The following TBCC variants were observed in gnomAD, a reference collection of about 807,000 sequenced individuals.
TBCC encodes the protein tubulin folding cofactor C.
Under a neutral mutation model 25.3 loss-of-function variants are expected in TBCC, and 25 were observed. The observed-to-expected ratio is 0.99, with a 90% CI of 0.72 to 1.38. The LOEUF is 1.38. Among genes scored for constraint, TBCC ranks in the 40% most tolerant of loss-of-function variants. The pLI, the probability that TBCC is intolerant of heterozygous loss-of-function variation, is 0.00. For synonymous variants in TBCC, 226 were observed against 192.8 expected, an observed-to-expected ratio of 1.17 and a Z score of -1.43; for missense variants, 507 against 447.2, an observed-to-expected ratio of 1.13 and a Z score of -1.21.
Position 42,745,877 on chromosome 6 carries a change from C to A in TBCC, c.197G>T (p.Arg66Leu). 1.2e-6 allele frequency: 2 copies of A among 1,614,026 alleles called. No homozygotes were observed. Among genetic ancestry groups the A allele is most frequent in the Non-Finnish European group, 1.7e-6 (2 of 1,180,038 alleles). Residue 66 changes from arginine (R) to leucine (L), a missense_variant, in exon 1 of 1, where the codon CGG becomes CTG. By Grantham distance (102) the Arg-to-Leu change is moderately radical. Transcript: ENST00000372876. This position sits in a 1 kb window ranked among gnomAD's most constrained non-coding sequence, Gnocchi z 4.2. ...NSHFFVATFVRERAAVEELLE... is the reference protein window; with the variant it reads ...NSHFFVATFVLERAAVEELLE... ...AAGCTCTTCCACGGCCGCTCGCTCCCGAACAAAGGTGGCGACGAAAAAGTG... is the reference window on the plus strand; with the variant it reads ...AAGCTCTTCCACGGCCGCTCGCTCCAGAACAAAGGTGGCGACGAAAAAGTG...
rs1348587329 is a variant in TBCC, at chr6:42,745,148, T to C, written c.926A>G (p.Asp309Gly). The change falls in exon 1 of 1, where the codon GAT becomes GGT. Residue 309 changes from aspartate (D) to glycine (G), a missense_variant. Asp to Gly is a moderately conservative substitution (Grantham distance 94). Transcript: ENST00000372876. The surrounding 1 kb of genome is among the most constrained non-coding windows in gnomAD (Gnocchi z 4.2). ...ATCGTTCCAGTTATTTTTGCTCCTA[T>C]CTAAACCAGAGCTCTCGAAGTCCTT... ...IDKDFESSGL[D>G]RSKNNWNDVD... 2 of 1,614,088 alleles carry C rather than the reference T, an allele frequency of 1.2e-6. No homozygotes were observed. Among genetic ancestry groups the C allele is most frequent in the Non-Finnish European group, 1.7e-6 (2 of 1,180,042 alleles).
chr6:42,745,149 C>G lies in TBCC; in HGVS notation c.925G>C (p.Asp309His). Reference sequence around the variant, plus strand: ...TCGTTCCAGTTATTTTTGCTCCTATCTAAACCAGAGCTCTCGAAGTCCTTG... The same window carrying G: ...TCGTTCCAGTTATTTTTGCTCCTATGTAAACCAGAGCTCTCGAAGTCCTTG... ...IDKDFESSGL[D>H]RSKNNWNDVD... Residue 309 changes from aspartate to histidine, a missense_variant, in exon 1 of 1, where the codon GAT (aspartate) becomes CAT (histidine). By Grantham distance (81) the Asp-to-His change is moderately conservative. Coordinates refer to ENST00000372876, the MANE Select transcript of TBCC (RefSeq NM_003192.3). This position sits in a 1 kb window ranked among gnomAD's most constrained non-coding sequence, Gnocchi z 4.2. 1 of 1,614,242 alleles carries G rather than the reference C, an allele frequency of 6.2e-7. No individual in the cohort carries two copies.
rs762424752 is a variant in TBCC, at chr6:42,745,435, G to A, written c.639C>T (p.Asn213=). ...QRDVLLTELS[N]CTVRLYGNPN... ...GATTTCCATACAGTCTGACCGTGCA[G>A]TTGCTCAGTTCGGTCAAAAGAACGT... Residue 213 remains asparagine (N), a synonymous_variant, in exon 1 of 1, where the codon AAC becomes AAT. Coordinates refer to ENST00000372876, the MANE Select transcript of TBCC (RefSeq NM_003192.3). This position sits in a 1 kb window ranked among gnomAD's most constrained non-coding sequence, Gnocchi z 4.2. 1.9e-6 allele frequency: 3 copies of A among 1,614,082 alleles called. No homozygotes were observed. The highest frequency in any genetic ancestry group is 1.7e-6 in the Non-Finnish European group (2 of 1,180,030).
Position 42,745,771 on chromosome 6 carries a change from T to C in TBCC, c.303A>G (p.Ser101=). The C allele has an allele frequency of 3.1e-6, 5 of 1,613,858 alleles. No homozygotes were observed. The highest frequency in any genetic ancestry group is 4.2e-6 in the Non-Finnish European group (5 of 1,180,030). ...GGTCGTAAGCGGCTAGGAAAAAAAC[T>C]GAGTCGTTGATTAGTTTCTGCAGCC... is the stretch of plus-strand genomic sequence containing the variant. ...LQGLQKLIND[S]VFFLAAYDLR... is the part of the protein sequence containing the mutation. Residue 101 remains serine (S), a synonymous_variant, in exon 1 of 1, where the codon TCA becomes TCG. Transcript: ENST00000372876. The surrounding 1 kb of genome is among the most constrained non-coding windows in gnomAD (Gnocchi z 4.2).
Position 42,746,095 on chromosome 6 carries a change from T to G in TBCC, c.-22A>C, listed in dbSNP as rs1468861310. ...CCATATTGGCTTCAAGCTTCCTCTC[T>G]CTTGTCTTCCTTCCTCCGGGCGCGC... On this transcript the variant is annotated 5_prime_UTR_variant, in exon 1 of 1. Coordinates refer to ENST00000372876, the MANE Select transcript of TBCC (RefSeq NM_003192.3). 6.3e-7 allele frequency: 1 copy of G among 1,593,654 alleles called. No individual in the cohort carries two copies. The highest frequency in any genetic ancestry group is 8.6e-7 in the Non-Finnish European group (1 of 1,167,806).
In TBCC at chr6:42,745,368, G is replaced by A; in HGVS notation, c.706C>T (p.Leu236Phe). The change falls in exon 1 of 1, where the codon CTC becomes TTC. Residue 236 changes from leucine to phenylalanine, a missense_variant. Physicochemically the swap from Leu to Phe is conservative, Grantham distance 22. Transcript: ENST00000372876. This position sits in a 1 kb window ranked among gnomAD's most constrained non-coding sequence, Gnocchi z 4.2. ...ACAGAGGTAGACACCGGACCGCAGA[G>A]CAGCTTGCAGCTGTGGGCCTTGGTT... ...RLTKAHSCKLLCGPVSTSVFL... is the reference protein window; with the variant it reads ...RLTKAHSCKLFCGPVSTSVFL... 6.2e-7 allele frequency: 1 copy of A among 1,614,252 alleles called. No homozygotes were observed. Among genetic ancestry groups the A allele is most frequent in the Non-Finnish European group, 8.5e-7 (1 of 1,180,040 alleles).
Position 42,745,845 on chromosome 6 carries a change from G to A in TBCC, c.229C>T (p.Arg77Cys). Residue 77 changes from arginine (R) to cysteine (C), a missense_variant, in exon 1 of 1, where the codon CGC becomes TGC. Transcript: ENST00000372876. This position sits in a 1 kb window ranked among gnomAD's most constrained non-coding sequence, Gnocchi z 4.2. ...TCCAGCCGCTCGACCGACTCCGCGC[G>A]CTCCAGAAGCTCTTCCACGGCCGCT... Reference protein sequence around the residue: ...ERAAVEELLERAESVERLEEA... With the variant: ...ERAAVEELLECAESVERLEEA... 4 of 1,613,432 alleles carry A rather than the reference G, an allele frequency of 2.5e-6. No homozygotes were observed. The highest frequency in any genetic ancestry group is 3.4e-6 in the Non-Finnish European group (4 of 1,180,028).
chr6:42,745,504 C>G lies in TBCC; in HGVS notation c.570G>C (p.Glu190Asp), dbSNP rs374188225. 17 of 1,611,500 alleles carry G rather than the reference C, an allele frequency of 1.1e-5. No individual in the cohort carries two copies. Among genetic ancestry groups the G allele is most frequent in the Non-Finnish European group, 1.2e-5 (14 of 1,179,030 alleles). ...TGGCTCTCTTCTCCAAGACTTGGGA[C>G]TCCAGGTTGGAGAAACCGCAGACCC... ...PSWVCGFSNL[E>D]SQVLEKRASE... Residue 190 changes from glutamate (E) to aspartate (D), a missense_variant, in exon 1 of 1, where the codon GAG becomes GAC. Transcript: ENST00000372876. The surrounding 1 kb of genome is among the most constrained non-coding windows in gnomAD (Gnocchi z 4.2).
At position 42,745,477 on chromosome 6, in the gene TBCC, G is replaced by C. The variant is rs748676696; in HGVS notation, c.597C>G (p.Ser199Arg). The change falls in exon 1 of 1, where the codon AGC (serine) becomes AGG (arginine). Residue 199 changes from serine (S) to arginine (R), a missense_variant. Coordinates refer to ENST00000372876, the MANE Select transcript of TBCC (RefSeq NM_003192.3). This position sits in a 1 kb window ranked among gnomAD's most constrained non-coding sequence, Gnocchi z 4.2. ...AAAGAACGTCGCGCTGGTGCAACTC[G>C]CTGGCTCTCTTCTCCAAGACTTGGG... Reference protein sequence around the residue: ...LESQVLEKRASELHQRDVLLT... With the variant: ...LESQVLEKRARELHQRDVLLT... The C allele has an allele frequency of 6.2e-7, 1 of 1,612,978 alleles. No individual in the cohort carries two copies. The highest frequency in any genetic ancestry group is 8.5e-7 in the Non-Finnish European group (1 of 1,179,504).
At position 42,744,822 on chromosome 6, in the gene TBCC, C is replaced by G. The variant is rs1762229071; in HGVS notation, c.*211G>C. The G allele has an allele frequency of 3.5e-6, 2 of 573,068 alleles. No homozygotes were observed. Among genetic ancestry groups the G allele is most frequent in the South Asian group, 4.7e-5 (2 of 42,912 alleles). 35.5% of individuals were successfully genotyped at this position (573,068 alleles called of 1,614,324 possible). On this transcript the variant is annotated 3_prime_UTR_variant, in exon 1 of 1. Coordinates refer to ENST00000372876, the MANE Select transcript of TBCC (RefSeq NM_003192.3). ...GCTGGGGGACGGAGTAAGACTCAGT[C>G]TCAAAGGCATGACGAAAATAGCAAA...
rs188699146 is a variant in TBCC at position 42,744,649 on chromosome 6, T to C, written c.*384A>G. On this transcript the variant is annotated 3_prime_UTR_variant, in exon 1 of 1. Coordinates refer to ENST00000372876, the MANE Select transcript of TBCC (RefSeq NM_003192.3). ...GCCCTGGCGTGGTGGCTCACGCCTG[T>C]AATGCCAGCACTTTGGGAAGCTGAA... 2 of 159,644 alleles carry C rather than the reference T, an allele frequency of 1.3e-5. No individual in the cohort carries two copies. Among genetic ancestry groups the C allele is most frequent in the Admixed American group, 6.3e-5 (1 of 15,798 alleles). The allele number at this position is 159,644 out of a possible 1,614,324, so 9.9% of individuals were successfully genotyped here. A position where few individuals can be genotyped will look rare whatever the true frequency, so the allele number is the denominator to read the frequency against.
Position 42,745,438 on chromosome 6 carries a change from G to A in TBCC, c.636C>T (p.Ser212=). The stretch of plus-strand genomic sequence containing the variant: ...TTCCATACAGTCTGACCGTGCAGTT[G>A]CTCAGTTCGGTCAAAAGAACGTCGC... ...HQRDVLLTEL[S]NCTVRLYGNP... The change falls in exon 1 of 1, where the codon AGC becomes AGT. Residue 212 remains serine (S), a synonymous_variant. Coordinates refer to ENST00000372876, the MANE Select transcript of TBCC (RefSeq NM_003192.3). This position sits in a 1 kb window ranked among gnomAD's most constrained non-coding sequence, Gnocchi z 4.2. 6.2e-7 allele frequency: 1 copy of A among 1,614,144 alleles called. No homozygotes were observed. Among genetic ancestry groups the A allele is most frequent in the Non-Finnish European group, 8.5e-7 (1 of 1,180,012 alleles).
At position 42,745,261 on chromosome 6, in the gene TBCC, G is replaced by A. The variant is rs1762239889; in HGVS notation, c.813C>T (p.Ile271=). 1.9e-6 allele frequency: 3 copies of A among 1,614,252 alleles called. No homozygotes were observed. Among genetic ancestry groups the A allele is most frequent in the South Asian group, 2.2e-5 (2 of 91,086 alleles). The change falls in exon 1 of 1, where the codon ATC becomes ATT. Residue 271 remains isoleucine, a synonymous_variant. Transcript: ENST00000372876. This position sits in a 1 kb window ranked among gnomAD's most constrained non-coding sequence, Gnocchi z 4.2. ...LRIHSTKDTR[I]FLQVTSRAIV... ...TGGCCCTGCTGGTCACCTGCAGGAA[G>A]ATGCGGGTGTCTTTCGTACTGTGTA...
chr6:42,745,005 T>C lies in TBCC; in HGVS notation c.*28A>G. On this transcript the variant is annotated 3_prime_UTR_variant, in exon 1 of 1. Transcript: ENST00000372876. The surrounding 1 kb of genome is among the most constrained non-coding windows in gnomAD (Gnocchi z 4.2). ...AAAGTCCAACGTGGAAAGTATTTGG[T>C]AGGAGTGAAGAACAGAGTGACAACT... is the stretch of plus-strand genomic sequence containing the variant. 6.3e-7 allele frequency: 1 copy of C among 1,594,892 alleles called. No individual in the cohort carries two copies. Among genetic ancestry groups the C allele is most frequent in the East Asian group, 2.2e-5 (1 of 44,676 alleles).
chr6:42,745,024 G>T lies in TBCC; in HGVS notation c.*9C>A. 1 of 1,610,030 alleles carries T rather than the reference G, an allele frequency of 6.2e-7. No homozygotes were observed. Among genetic ancestry groups the T allele is most frequent in the Non-Finnish European group, 8.5e-7 (1 of 1,177,292 alleles). On this transcript the variant is annotated 3_prime_UTR_variant, in exon 1 of 1. Transcript: ENST00000372876. This position sits in a 1 kb window ranked among gnomAD's most constrained non-coding sequence, Gnocchi z 4.2. ...ATTTGGTAGGAGTGAAGAACAGAGT[G>T]ACAACTGCTTAGTCCCACTGGATAT...
Position 42,745,684 on chromosome 6 carries a change from C to T in TBCC, c.390G>A (p.Gly130=), listed in dbSNP as rs1353130235. 6.2e-7 allele frequency: 1 copy of T among 1,611,126 alleles called. No individual in the cohort carries two copies. Among genetic ancestry groups the T allele is most frequent in the South Asian group, 1.1e-5 (1 of 90,954 alleles). The change falls in exon 1 of 1, where the codon GGG becomes GGA. Residue 130 remains glycine, a synonymous_variant. Transcript: ENST00000372876. The surrounding 1 kb of genome is among the most constrained non-coding windows in gnomAD (Gnocchi z 4.2). ...LQAALAERRR[G]LQPKKRFAFK... is the part of the protein sequence containing the mutation. The stretch of plus-strand genomic sequence containing the variant: ...AAGCGAAACGCTTCTTGGGCTGCAG[C>T]CCCCGGCGCCGCTCGGCCAAGGCCG...
Position 42,745,916 on chromosome 6 carries a change from T to C in TBCC, c.158A>G (p.Glu53Gly). The C allele has an allele frequency of 6.2e-7, 1 of 1,614,210 alleles. No individual in the cohort carries two copies. Among genetic ancestry groups the C allele is most frequent in the South Asian group, 1.1e-5 (1 of 91,088 alleles). ...RKQKRQNQEV[E>G]KENSHFFVAT... ...GACGAAAAAGTGGCTGTTCTCCTTC[T>C]CTACCTCCTGGTTCTGCCGCTTTTG... Residue 53 changes from glutamate (E) to glycine (G), a missense_variant, in exon 1 of 1, where the codon GAG (glutamate) becomes GGG (glycine). Glu to Gly is a moderately conservative substitution (Grantham distance 98). Transcript: ENST00000372876. The surrounding 1 kb of genome is among the most constrained non-coding windows in gnomAD (Gnocchi z 4.2).
rs1390600187 is a variant in TBCC, at chr6:42,744,614, A to C, written c.*419T>G. ...GCTTCAAACTATTGTGGTAAAAATA[A>C]ATAAATAAAGCCCTGGCGTGGTGGC... is the stretch of plus-strand genomic sequence containing the variant. On this transcript the variant is annotated 3_prime_UTR_variant, in exon 1 of 1. Coordinates refer to ENST00000372876, the MANE Select transcript of TBCC (RefSeq NM_003192.3). 6.4e-6 allele frequency: 1 copy of C among 155,056 alleles called. No homozygotes were observed. The allele number at this position is 155,056 out of a possible 1,614,324, so 9.6% of individuals were successfully genotyped here.
In TBCC at chr6:42,745,767, AAAC is replaced by A; in HGVS notation, c.304_306del (p.Val102del). On this transcript the variant is annotated inframe_deletion, in exon 1 of 1. Coordinates refer to ENST00000372876, the MANE Select transcript of TBCC (RefSeq NM_003192.3). The surrounding 1 kb of genome is among the most constrained non-coding windows in gnomAD (Gnocchi z 4.2). ...CGCAGGTCGTAAGCGGCTAGGAAAAAAACTGAGTCGTTGATTAGTTTCTGCAGC... is the reference window on the plus strand; with the variant it reads ...CGCAGGTCGTAAGCGGCTAGGAAAAATGAGTCGTTGATTAGTTTCTGCAGC... The A allele has an allele frequency of 6.2e-7, 1 of 1,613,918 alleles. No homozygotes were observed. Among genetic ancestry groups the A allele is most frequent in the Non-Finnish European group, 8.5e-7 (1 of 1,180,016 alleles).
Sources: gnomAD v4.1 joint callset for allele counts on GRCh38, gnomAD v4.1.1 for gene constraint, Gnocchi (gnomAD v3.1) non-coding constraint, MANE v1.5 for transcripts, NCBI Gene and HGNC (gene_info 2026-07-23, HGNC 2026-07-21) for gene names.